Variants in ADAMTS3 observed in about 807,000 individuals in gnomAD.
ADAMTS3 encodes A disintegrin and metalloproteinase with thrombospondin motifs 3.
In ADAMTS3, 73 loss-of-function variants were observed where a neutral mutation model predicts 129.0. The ratio of observed to expected loss-of-function variants is 0.57; its 90% CI spans 0.47 to 0.69. ADAMTS3 has a LOEUF of 0.69. Ranked by LOEUF, ADAMTS3 falls within the 30% of genes least tolerant of loss-of-function variation. ADAMTS3 has a pLI of 0.00. For missense variants in ADAMTS3, 1,457 were observed against 1,514.5 expected (o/e 0.96, Z 0.63); for synonymous variants, 477 against 510.8 (o/e 0.93, Z 0.89).
intron 3 of ADAMTS3, among the ~76,000 whole-genome samples, chr4:72,451,113 C>T (rs1051883154): frequency 6.6e-6 from 1 of 151,714 alleles, no homozygotes; most frequent in East Asian, 2.0e-4. Context: ...GGATAGCATA[C>T]CCTTTCATGA....
chr4:72,418,017 C>T (rs770923253), intron 3 of ADAMTS3, among the ~76,000 whole-genome samples: 2 of 151,308 alleles, frequency 1.3e-5, no homozygotes, highest in African/African-American at 4.9e-5. Context: ...GTTCATTTGT[C>T]CTCATTTGAT....
In ADAMTS3 at chr4:72,312,341, A is replaced by G; in HGVS notation, c.1871T>C (p.Phe624Ser). The change falls in exon 13 of 22, where the codon TTT (phenylalanine) becomes TCT (serine). Residue 624 changes from phenylalanine to serine, a missense_variant. Phe to Ser is a radical substitution (Grantham distance 155). Coordinates refer to ENST00000286657, the MANE Select transcript of ADAMTS3 (RefSeq NM_014243.3). Reference protein sequence around the residue: ...AQQCQQRNSHFEYQNTKHHWL... With the variant: ...AQQCQQRNSHSEYQNTKHHWL... The stretch of plus-strand genomic sequence containing the variant: ...GTGGTGTTTGGTATTCTGGTATTCA[A>G]AGTGGGAGTTTCGCTGCTGACACTG... 2 of 1,613,832 alleles carry G rather than the reference A, an allele frequency of 1.2e-6. No homozygotes were observed. Among genetic ancestry groups the G allele is most frequent in the Non-Finnish European group, 1.7e-6 (2 of 1,179,786 alleles).
intron 3 of ADAMTS3, among the ~76,000 whole-genome samples, chr4:72,534,577 A>T (rs1227645455): frequency 1.3e-5 from 2 of 152,188 alleles, no homozygotes; most frequent in African/African-American, 4.8e-5. Context: ...GTGAACTTTG[A>T]CCAGAAATTT....
intron 3 of ADAMTS3, among the ~76,000 whole-genome samples, chr4:72,521,694 C>G (rs1720680314): frequency 6.6e-6 from 1 of 151,972 alleles, no homozygotes; most frequent in Non-Finnish European, 1.5e-5. Flanking sequence ...TGTACATTAC[C>G]TCCAGCTTAT....
chr4:72,494,535 A>C (rs1719826013), intron 3 of ADAMTS3, among the ~76,000 whole-genome samples: 1 of 152,104 alleles, frequency 6.6e-6, no homozygotes, highest in South Asian at 2.1e-4. Context: ...ATTTCCTTAA[A>C]AGAATTATTT....
At position 72,483,183 on chromosome 4, in the gene ADAMTS3, T is replaced by C. The variant is rs930537335; in HGVS notation, c.504+65295A>G. On this transcript the variant is annotated intron_variant, in intron 3 of 21. Transcript: ENST00000286657. Reference sequence around the variant, plus strand: ...TGAGGCAAGAAAAAAAAGGCGTACATATTGGAAGGGAAGAAATAAAACTCT... The same window carrying C: ...TGAGGCAAGAAAAAAAAGGCGTACACATTGGAAGGGAAGAAATAAAACTCT... Among the ~76,000 whole-genome samples, 10 of 152,134 alleles carry C rather than the reference T, an allele frequency of 6.6e-5. No individual in the cohort carries two copies. In the East Asian group the frequency reaches 1.9e-3, roughly 29 times the overall value.
Position 72,288,923 on chromosome 4 carries a change from T to TACACACACACACAC in ADAMTS3, c.2932-69_2932-56dup, listed in dbSNP as rs33967517. On this transcript the variant is annotated intron_variant, in intron 20 of 21. Coordinates refer to ENST00000286657, the MANE Select transcript of ADAMTS3 (RefSeq NM_014243.3). ...ATTTATTGCACCAAGACCATGCACA[T>TACACACACACACAC]ACACACACACACACACACACACACA... 2.0e-3 allele frequency: 928 copies of TACACACACACACAC among 452,692 alleles called. 4 individuals carry two copies. The highest frequency in any genetic ancestry group is 2.0e-3 in the Non-Finnish European group (489 of 248,530). 28.0% of individuals were successfully genotyped at this position (452,692 alleles called of 1,614,324 possible).
chr4:72,398,971 A>C (rs1721799791), intron 4 of ADAMTS3, among the ~76,000 whole-genome samples: 1 of 152,168 alleles, frequency 6.6e-6, no homozygotes, highest in Non-Finnish European at 1.5e-5. Flanking sequence ...TTCATCTACA[A>C]ATTGCAGAGA....
chr4:72,321,834 C>T (rs1719563608), intron 6 of ADAMTS3, among the ~76,000 whole-genome samples: 1 of 151,848 alleles, frequency 6.6e-6, no homozygotes, highest in Admixed American at 6.6e-5. Context: ...TGGACTCTTC[C>T]AGTTCTGATA....
chr4:72,426,915 A>G (rs1272108736), intron 3 of ADAMTS3, among the ~76,000 whole-genome samples: 1 of 152,038 alleles, frequency 6.6e-6, no homozygotes, highest in African/African-American at 2.4e-5. Context: ...AAAAATAAAA[A>G]ACTGAATCAA....
rs74941280 is a variant in ADAMTS3, at chr4:72,412,434, G to A, written c.661+2381C>T. ...AAAAATATGTTCTTAATTTACAGTT[G>A]GAAGGTATTTGATCTATGAGAAGAC... is the stretch of plus-strand genomic sequence containing the variant. On this transcript the variant is annotated intron_variant, in intron 4 of 21. Transcript: ENST00000286657. Among the ~76,000 whole-genome samples the A allele has an allele frequency of 7.0e-3, 1,060 of 151,972 alleles. 7 individuals carry two copies. The highest frequency in any genetic ancestry group is 0.024 in the African/African-American group (1,003 of 41,476).
In ADAMTS3 at chr4:72,427,646, G is replaced by C. The variant is rs558978876; in HGVS notation, c.505-12675C>G. ...AAGGAAAAAAACAGAGACAAAAAAA[G>C]AAGAAAAAAAGAAGAGAAGAAAGGT... On this transcript the variant is annotated intron_variant, in intron 3 of 21. Transcript: ENST00000286657. Among the ~76,000 whole-genome samples, 27 of 152,056 alleles carry C rather than the reference G, an allele frequency of 1.8e-4. No individual in the cohort carries two copies. The South Asian group carries it at 5.6e-3, about 32-fold the overall frequency.
In ADAMTS3 at chr4:72,548,851, A is replaced by G. The variant is rs1045599011; in HGVS notation, c.131T>C (p.Leu44Pro). The G allele has an allele frequency of 6.2e-7, 1 of 1,613,384 alleles. No individual in the cohort carries two copies. The highest frequency in any genetic ancestry group is 1.1e-5 in the South Asian group (1 of 91,070). Reference sequence around the variant, plus strand: ...TAGATTTGTGCTGACTGGAGTCACCAGCTCATACTCTCTATATCTCTTTAT... The same window carrying G: ...TAGATTTGTGCTGACTGGAGTCACCGGCTCATACTCTCTATATCTCTTTAT... ...LPIKRYREYELVTPVSTNLEG... is the reference protein window; with the variant it reads ...LPIKRYREYEPVTPVSTNLEG... Residue 44 changes from leucine to proline, a missense_variant, in exon 3 of 22, where the codon CTG (leucine) becomes CCG (proline). Physicochemically the swap from Leu to Pro is moderately conservative, Grantham distance 98. Transcript: ENST00000286657.
At chr4:72,397,938 T>G (rs971915503) in intron 4 of ADAMTS3, among the ~76,000 whole-genome samples, 2 of 151,526 alleles carry the variant, frequency 1.3e-5, no homozygotes, top group African/African-American at 4.8e-5. Context: ...TACAATTTAA[T>G]GTAAAAAAAA....
chr4:72,292,763 A>G (rs1400451377), intron 19 of ADAMTS3, among the ~76,000 whole-genome samples: 4 of 151,882 alleles, frequency 2.6e-5, no homozygotes, highest in Admixed American at 1.3e-4. Context: ...TTTTCTTTCC[A>G]TATATATGAG....
chr4:72,303,777 G>T lies in ADAMTS3; in HGVS notation c.2424+140C>A, dbSNP rs567589287. ...ATATTGCACAAAGAGTGGGGGGAAA[G>T]ATAAATGGAATTATTTTAAAAAGCA... is the stretch of plus-strand genomic sequence containing the variant. On this transcript the variant is annotated intron_variant, in intron 17 of 21. Transcript: ENST00000286657. The T allele has an allele frequency of 7.7e-5, 62 of 801,614 alleles. No individual in the cohort carries two copies. In the African/African-American group the frequency reaches 1.0e-3, roughly 13 times the overall value. The allele number at this position is 801,614 out of a possible 1,614,324, so 49.7% of individuals were successfully genotyped here.
intron 4 of ADAMTS3, among the ~76,000 whole-genome samples, chr4:72,398,395 A>G (rs1401631113): frequency 6.6e-6 from 1 of 152,024 alleles, no homozygotes; most frequent in Non-Finnish European, 1.5e-5. Flanking sequence ...CGTCTCTACT[A>G]AAAATACAAA....
chr4:72,365,962 A>G (rs1420515583), intron 4 of ADAMTS3, among the ~76,000 whole-genome samples: 1 of 152,216 alleles, frequency 6.6e-6, no homozygotes, highest in Admixed American at 6.5e-5. Context: ...TTCTCTGATT[A>G]CACTCCAGCA....
At chr4:72,367,617 G>C (rs979918561) in intron 4 of ADAMTS3, among the ~76,000 whole-genome samples, 1 of 152,086 alleles carries the variant, frequency 6.6e-6, no homozygotes, top group Non-Finnish European at 1.5e-5. Context: ...TTGGGAGGCC[G>C]AGGCAGGCGG....
Sources: gnomAD v4.1 joint callset for allele counts (sites outside exome capture counted in the v4.1 genomes callset) on GRCh38, gnomAD v4.1.1 for gene constraint, MANE v1.5 for transcripts, NCBI Gene and HGNC (gene_info 2026-07-23, HGNC 2026-07-21) for gene names.